DPP10: variants seen among roughly 807,000 people sequenced by gnomAD.
The protein encoded by DPP10 is inactive dipeptidyl peptidase 10.
Under a neutral mutation model 120.9 loss-of-function variants are expected in DPP10, and 33 were observed. That is an observed-to-expected ratio of 0.27 (90% CI 0.21 to 0.37). The LOEUF (loss-of-function observed/expected upper bound fraction) is 0.37. Among genes scored for constraint, DPP10 ranks in the 10% least tolerant of loss-of-function variants. The probability of loss-of-function intolerance (pLI) is 1.00; values close to 1 mark genes in which losing one functional copy is unlikely to be tolerated. For missense variants in DPP10, 816 were observed against 942.8 expected, an observed-to-expected ratio of 0.87 and a Z score of 1.76; for synonymous variants, 337 against 326.1, an observed-to-expected ratio of 1.03 and a Z score of -0.36.
In DPP10 at chr2:115,286,526, A is replaced by ATATATATATATATT. The variant is rs10675008; in HGVS notation, c.61-22713_61-22712insTATATATATATATT. ...TATTACATATATAATATATATATAT[A>ATATATATATATATT]ATATATATATATATAAAATATATAC... On this transcript the variant is annotated intron_variant, in intron 1 of 25. Transcript: ENST00000410059. 3.3e-5 allele frequency among the ~76,000 whole-genome samples: 2 copies of ATATATATATATATT among 60,946 alleles called. 1 individual carries two copies. Among genetic ancestry groups the ATATATATATATATT allele is most frequent in the African/African-American group, 1.1e-4 (2 of 18,630 alleles). The allele number at this position is 60,946 out of a possible 152,430, so 40.0% of individuals were successfully genotyped here.
chr2:115,000,077 T>C (rs570387852), intron 1 of DPP10, among the ~76,000 whole-genome samples: 2 of 152,116 alleles, frequency 1.3e-5, no homozygotes, highest in South Asian at 4.2e-4. Flanking sequence ...CAGAATCAAA[T>C]TTCCAGCTCA....
chr2:115,565,673 C>G lies in DPP10; in HGVS notation c.441+39701C>G, dbSNP rs191594641. ...GTGGACTTGATATTTTTAAGGAGTACGGGACAATTATTTTATAGATGCTGC... is the reference window on the plus strand; with the variant it reads ...GTGGACTTGATATTTTTAAGGAGTAGGGGACAATTATTTTATAGATGCTGC... On this transcript the variant is annotated intron_variant, in intron 5 of 25. Coordinates refer to ENST00000410059, the MANE Select transcript of DPP10 (RefSeq NM_020868.6). 3.6e-3 allele frequency among the ~76,000 whole-genome samples: 535 copies of G among 150,204 alleles called. 2 individuals carry two copies. The highest frequency in any genetic ancestry group is 0.012 in the African/African-American group (498 of 40,890).
intron 1 of DPP10, among the ~76,000 whole-genome samples, chr2:114,723,657 C>A (rs921290114): frequency 1.1e-4 from 16 of 152,298 alleles, no homozygotes; most frequent in African/African-American, 3.8e-4. Context: ...TTGAGCCCAG[C>A]AGAGAAGGAG....
chr2:114,486,411 AT>A (rs1234097590), intron 1 of DPP10, among the ~76,000 whole-genome samples: 2 of 152,148 alleles, frequency 1.3e-5, no homozygotes, highest in African/African-American at 2.4e-5. Flanking sequence ...CATCCAAATA[AT>A]TTTTTAATAA....
At chr2:114,562,507 T>A (rs1440759056) in intron 1 of DPP10, among the ~76,000 whole-genome samples, 2 of 152,188 alleles carry the variant, frequency 1.3e-5, no homozygotes, top group Non-Finnish European at 2.9e-5. Context: ...TCAAGCCTGT[T>A]GGGGAAAGTA....
chr2:114,506,553 T>C (rs1312598687), intron 1 of DPP10, among the ~76,000 whole-genome samples: 1 of 152,094 alleles, frequency 6.6e-6, no homozygotes, highest in Non-Finnish European at 1.5e-5. Flanking sequence ...GATGGCAAAG[T>C]TGAAAGGGCA....
At chr2:115,129,155 G>T (rs547330825) in intron 1 of DPP10, among the ~76,000 whole-genome samples, 1 of 152,288 alleles carries the variant, frequency 6.6e-6, no homozygotes, top group Admixed American at 6.5e-5. Flanking sequence ...GTGTGAAAGA[G>T]GCTTAAAGAG....
At chr2:114,647,863 G>T (rs1696259424) in intron 1 of DPP10, among the ~76,000 whole-genome samples, 1 of 151,688 alleles carries the variant, frequency 6.6e-6, no homozygotes, top group Admixed American at 6.6e-5. Flanking sequence ...TTTGTGTTCT[G>T]GTCTTATTTC....
chr2:115,608,755 A>G (rs1451206230), intron 5 of DPP10, among the ~76,000 whole-genome samples: 3 of 152,200 alleles, frequency 2.0e-5, no homozygotes, highest in Non-Finnish European at 4.4e-5. Flanking sequence ...GAAATAGAAC[A>G]TGAAAGTGGG....
At chr2:114,814,692 A>G (rs546853467) in intron 1 of DPP10, among the ~76,000 whole-genome samples, 1 of 152,158 alleles carries the variant, frequency 6.6e-6, no homozygotes, top group East Asian at 1.9e-4. Context: ...TTATTTTAGA[A>G]AAAAAAAGCT....
intron 1 of DPP10, among the ~76,000 whole-genome samples, chr2:114,969,276 CTA>C (rs796530836): frequency 1.4e-4 from 22 of 152,246 alleles, no homozygotes; most frequent in African/African-American, 5.3e-4. Flanking sequence ...ACATAATACT[CTA>C]AAGTATTAAA....
At chr2:115,431,531 A>G (rs1166813485) in intron 3 of DPP10, among the ~76,000 whole-genome samples, 1 of 152,144 alleles carries the variant, frequency 6.6e-6, no homozygotes. Flanking sequence ...TTCTGCCTAA[A>G]GCCAATGATC....
chr2:114,460,633 T>G (rs1041966718), intron 1 of DPP10, among the ~76,000 whole-genome samples: 2 of 152,180 alleles, frequency 1.3e-5, no homozygotes, highest in African/African-American at 4.8e-5. Context: ...TTACTTTTAT[T>G]TATTCATTAT....
chr2:114,463,405 A>G lies in DPP10; in HGVS notation c.60+20567A>G, dbSNP rs549723970. The G allele has an allele frequency of 5.9e-5, 9 of 152,294 alleles. No homozygotes were observed. In the East Asian group the frequency reaches 1.7e-3, roughly 29 times the overall value. 9.4% of individuals were successfully genotyped at this position (152,294 alleles called of 1,614,324 possible). A position where few individuals can be genotyped will look rare whatever the true frequency, so the allele number is the denominator to read the frequency against. On this transcript the variant is annotated intron_variant, in intron 1 of 25. Transcript: ENST00000410059. ...ACTTTTTCCATCCAGGTATACATAC[A>G]TGAAGAGTGGCTTCAGGACTGGTAA...
At chr2:115,601,613 A>G (rs1195737863) in intron 5 of DPP10, among the ~76,000 whole-genome samples, 1 of 152,230 alleles carries the variant, frequency 6.6e-6, no homozygotes, top group African/African-American at 2.4e-5. Context: ...ACTTGGGTTA[A>G]TGAGCTTGGA....
chr2:114,645,383 T>G (rs1015215397), intron 1 of DPP10, among the ~76,000 whole-genome samples: 3 of 152,162 alleles, frequency 2.0e-5, no homozygotes, highest in Non-Finnish European at 4.4e-5. Context: ...AGGGCATGGA[T>G]TTTGGGAAAA....
Position 115,382,243 on chromosome 2 carries a change from C to A in DPP10, c.271+38331C>A, listed in dbSNP as rs186376874. Among the ~76,000 whole-genome samples the A allele has an allele frequency of 3.2e-4, 49 of 152,138 alleles. 1 individual carries two copies. Among genetic ancestry groups the A allele is most frequent in the Middle Eastern group, 3.4e-3 (1 of 294 alleles). On this transcript the variant is annotated intron_variant, in intron 3 of 25. Transcript: ENST00000410059. ...GGCATAGGACCCTCTGAGCCATGTGCGGGATATAATCTCCTGGTGTGCTGT... is the reference window on the plus strand; with the variant it reads ...GGCATAGGACCCTCTGAGCCATGTGAGGGATATAATCTCCTGGTGTGCTGT...
intron 15 of DPP10, among the ~76,000 whole-genome samples, chr2:115,780,204 AT>A (rs1682585723): frequency 6.6e-6 from 1 of 151,916 alleles, no homozygotes; most frequent in Non-Finnish European, 1.5e-5. Flanking sequence ...TCTTATATTA[AT>A]TTTTCAACTC....
At chr2:115,508,758 CT>C (rs2077078384) in intron 4 of DPP10, among the ~76,000 whole-genome samples, 1 of 152,118 alleles carries the variant, frequency 6.6e-6, no homozygotes, top group Non-Finnish European at 1.5e-5. Context: ...CAAAAATTAG[CT>C]GAGTGTGGTG....
Sources: gnomAD v4.1 joint callset for allele counts (sites outside exome capture counted in the v4.1 genomes callset) on GRCh38, gnomAD v4.1.1 for gene constraint, MANE v1.5 for transcripts, NCBI Gene and HGNC (gene_info 2026-07-23, HGNC 2026-07-21) for gene names.